ABRAXAS1: variants seen among roughly 807,000 people sequenced by gnomAD.
ABRAXAS1 encodes the protein BRCA1-A complex subunit Abraxas 1.
Under a neutral mutation model 38.4 loss-of-function variants are expected in ABRAXAS1, and 26 were observed. The ratio of observed to expected loss-of-function variants is 0.68; its 90% confidence interval spans 0.50 to 0.94. The LOEUF is 0.94. Among genes scored for constraint, ABRAXAS1 ranks in the 40% least tolerant of loss-of-function variants. ABRAXAS1 has a pLI of 0.00. For missense variants in ABRAXAS1, 438 were observed against 481.9 expected (o/e 0.91, Z 0.85); for synonymous variants, 144 against 165.5 (o/e 0.87, Z 1.00).
rs1395604061 is a variant in ABRAXAS1, at chr4:83,459,534, TTTAA to T, written c.*2931_*2934del. The T allele has an allele frequency of 2.1e-6, 1 of 479,480 alleles. No individual in the cohort carries two copies. Among genetic ancestry groups the T allele is most frequent in the East Asian group, 3.6e-5 (1 of 27,496 alleles). The allele number at this position is 479,480 out of a possible 1,614,324, so 29.7% of individuals were successfully genotyped here. A position where few individuals can be genotyped will look rare whatever the true frequency, so the allele number is the denominator to read the frequency against. ...AATGAATATGCTGATTAATCTGCTG[TTTAA>T]TTATATATAGACTTGACACACTGGA... On this transcript the variant is annotated 3_prime_UTR_variant, in exon 9 of 9. Coordinates refer to ENST00000321945, the MANE Select transcript of ABRAXAS1 (RefSeq NM_139076.3).
chr4:83,479,475 TAA>T (rs1722903330), intron 2 of ABRAXAS1: 1 of 149,476 alleles, frequency 6.7e-6, no homozygotes. Flanking sequence ...TAAAATGGCA[TAA>T]GTTTTCCAAA....
intron 5 of ABRAXAS1, 44 bp downstream of exon 5, chr4:83,470,159 T>C: frequency 6.8e-7 from 1 of 1,475,396 alleles, no homozygotes; most frequent in Non-Finnish European, 9.2e-7. Context: ...ATTAGATATA[T>C]TTTTCTATTA....
Position 83,461,836 on chromosome 4 carries a change from G to A in ABRAXAS1, c.*633C>T. ...TTACTGTTTGTGTTGTGTTATAGTTGTGTAATAATTAAGGCTGCCAGATTT... is the reference window on the plus strand; with the variant it reads ...TTACTGTTTGTGTTGTGTTATAGTTATGTAATAATTAAGGCTGCCAGATTT... On this transcript the variant is annotated 3_prime_UTR_variant, in exon 9 of 9. Transcript: ENST00000321945. 1 of 228,054 alleles carries A rather than the reference G, an allele frequency of 4.4e-6. No homozygotes were observed. Among genetic ancestry groups the A allele is most frequent in the Non-Finnish European group, 8.7e-6 (1 of 114,956 alleles). The allele number at this position is 228,054 out of a possible 1,614,324, so 14.1% of individuals were successfully genotyped here.
At chr4:83,470,121 A>G (rs1409715821) in intron 5 of ABRAXAS1, 82 bp downstream of exon 5, 1 of 1,047,030 alleles carries the variant, frequency 9.6e-7, no homozygotes, top group Non-Finnish European at 1.4e-6. Flanking sequence ...ATATGAGAAC[A>G]CTTTGTAAGC....
At chr4:83,484,529 TTACCATCC>T (rs1723108297) in intron 1 of ABRAXAS1, among the ~76,000 whole-genome samples, 1 of 152,254 alleles carries the variant, frequency 6.6e-6, no homozygotes, top group Non-Finnish European at 1.5e-5. Flanking sequence ...TTTTATTCCC[TTACCATCC>T]TACCATCGCA....
chr4:83,463,565 TTATC>T lies in ABRAXAS1; in HGVS notation c.721_724del (p.Asp241AsnfsTer2). Reference sequence around the variant, plus strand: ...TAATCTGTTTACATCCTTTACTAGTTTATCTACTGCTTGTTCACTGTCTTCCACT... The same window carrying T: ...TAATCTGTTTACATCCTTTACTAGTTTACTGCTTGTTCACTGTCTTCCACT... On this transcript the variant is annotated frameshift_variant, in exon 8 of 9. Coordinates refer to ENST00000321945, the MANE Select transcript of ABRAXAS1 (RefSeq NM_139076.3). LOFTEE classifies it high-confidence loss of function. 3 of 1,611,734 alleles carry T rather than the reference TTATC, an allele frequency of 1.9e-6. No individual in the cohort carries two copies. Among genetic ancestry groups the T allele is most frequent in the Non-Finnish European group, 2.5e-6 (3 of 1,179,136 alleles).
chr4:83,471,741 G>A (rs1722597925), intron 4 of ABRAXAS1, among the ~76,000 whole-genome samples: 1 of 151,978 alleles, frequency 6.6e-6, no homozygotes, highest in Non-Finnish European at 1.5e-5. Context: ...GTGGTGGCGG[G>A]TGCCTATAAT....
At chr4:83,474,184 ATCTC>A (rs1182950885) in intron 3 of ABRAXAS1, among the ~76,000 whole-genome samples, 2 of 118,872 alleles carry the variant, frequency 1.7e-5, no homozygotes, top group African/African-American at 3.5e-5. Context: ...AATAAATAAA[ATCTC>A]TATCTATCCA....
chr4:83,474,212 T>C (rs1578131362), intron 3 of ABRAXAS1, among the ~76,000 whole-genome samples: 1 of 151,402 alleles, frequency 6.6e-6, no homozygotes, highest in South Asian at 2.1e-4. Flanking sequence ...ACACACTAAG[T>C]TTCAGTAGGC....
At chr4:83,468,790 T>C (rs1056296897) in intron 6 of ABRAXAS1, among the ~76,000 whole-genome samples, 2 of 152,128 alleles carry the variant, frequency 1.3e-5, no homozygotes, top group African/African-American at 4.8e-5. Flanking sequence ...TCCTCCTGCC[T>C]CAGCCTCCCG....
chr4:83,461,413 A>G lies in ABRAXAS1; in HGVS notation c.*1056T>C, dbSNP rs1313677440. On this transcript the variant is annotated 3_prime_UTR_variant, in exon 9 of 9. Transcript: ENST00000321945. The stretch of plus-strand genomic sequence containing the variant: ...TGTTGAATAAAAGTGGTTCTGTGTG[A>G]TTGTCATTTATATCTGATCCCCAAA... The G allele has an allele frequency of 2.0e-6, 1 of 500,180 alleles. No individual in the cohort carries two copies. The highest frequency in any genetic ancestry group is 3.3e-5 in the East Asian group (1 of 30,566). The allele number at this position is 500,180 out of a possible 1,614,324, so 31.0% of individuals were successfully genotyped here.
chr4:83,464,498 G>A (rs1722273877), intron 7 of ABRAXAS1, among the ~76,000 whole-genome samples: 1 of 152,100 alleles, frequency 6.6e-6, no homozygotes, highest in Non-Finnish European at 1.5e-5. Context: ...ACTGGGGGAG[G>A]GGAGAACAAC....
In ABRAXAS1 at chr4:83,464,165, C is replaced by T. The variant is rs550070321; in HGVS notation, c.682-557G>A. On this transcript the variant is annotated intron_variant, in intron 7 of 8. Coordinates refer to ENST00000321945, the MANE Select transcript of ABRAXAS1 (RefSeq NM_139076.3). ...TTGCACCACTGCACTCCAGCCTGGG[C>T]GACAGAGTGAGACCCTGTCTCAAAC... 8.6e-4 allele frequency among the ~76,000 whole-genome samples: 131 copies of T among 152,166 alleles called. 1 individual carries two copies. The South Asian group carries it at 0.017, about 20-fold the overall frequency.
intron 3 of ABRAXAS1, among the ~76,000 whole-genome samples, chr4:83,474,925 T>C (rs1243956510): frequency 6.6e-6 from 1 of 152,134 alleles, no homozygotes; most frequent in East Asian, 1.9e-4. Context: ...TCATGAACTT[T>C]TCAGGCCTAT....
intron 7 of ABRAXAS1, among the ~76,000 whole-genome samples, chr4:83,466,060 G>T (rs1031179896): frequency 9.9e-5 from 15 of 152,124 alleles, no homozygotes. Flanking sequence ...TAAGCACACT[G>T]CAGGTATTAG....
Sources: allele counts gnomAD v4.1 joint callset (sites outside exome capture counted in the v4.1 genomes callset), GRCh38; gene constraint gnomAD v4.1.1; transcripts MANE v1.5; gene names NCBI Gene and HGNC (gene_info 2026-07-23, HGNC 2026-07-21).